The following MORC1 variants were observed in gnomAD, a reference collection of about 807,000 sequenced individuals.
MORC1 encodes MORC family CW-type zinc finger 1.
A neutral mutation model predicts 134.9 loss-of-function variants in MORC1; 59 were observed. The observed-to-expected ratio is 0.44, with a 90% CI of 0.35 to 0.54. The LOEUF is 0.54. Among genes scored for constraint, MORC1 ranks in the 20% least tolerant of loss-of-function variants. The pLI is 0.00. For synonymous variants in MORC1, 395 were observed against 391.7 expected, an observed-to-expected ratio of 1.01 and a Z score of -0.10; for missense variants, 947 against 1,134.5, an observed-to-expected ratio of 0.83 and a Z score of 2.37.
At chr3:109,032,503 A>G (rs1949263286) in intron 16 of MORC1, among the ~76,000 whole-genome samples, 1 of 152,124 alleles carries the variant, frequency 6.6e-6, no homozygotes, top group Non-Finnish European at 1.5e-5. Flanking sequence ...GCTCACCCCA[A>G]CGTCTTCAGA....
At chr3:108,975,376 T>G (rs142758345) in intron 24 of MORC1, among the ~76,000 whole-genome samples, 206 of 152,274 alleles carry the variant, frequency 1.4e-3, no homozygotes, top group Non-Finnish European at 2.1e-3. Flanking sequence ...AAAAGTTACT[T>G]TCTTTTTAAA....
Position 109,094,912 on chromosome 3 carries a change from AT to A in MORC1, c.579del (p.Lys193AsnfsTer11). On this transcript the variant is annotated frameshift_variant, in exon 7 of 28. Coordinates refer to ENST00000232603, the MANE Select transcript of MORC1 (RefSeq NM_014429.4). LOFTEE classifies it high-confidence loss of function. ...LMQQFDVIYG[K>X]CGTLLVIYNL... The stretch of plus-strand genomic sequence containing the variant: ...GTCAGAGTTTTGATGATCTTACCAC[AT>A]TTTCCATAGATCACATCAAACTGCT... 6.4e-7 allele frequency: 1 copy of A among 1,555,818 alleles called. No individual in the cohort carries two copies. The highest frequency in any genetic ancestry group is 1.3e-5 in the South Asian group (1 of 78,752).
intron 20 of MORC1, among the ~76,000 whole-genome samples, chr3:109,003,083 AAC>A (rs1264791655): frequency 2.0e-5 from 3 of 152,024 alleles, no homozygotes; most frequent in African/African-American, 7.2e-5. Context: ...CCTTATTATA[AAC>A]AGTCATGCTA....
intron 8 of MORC1, among the ~76,000 whole-genome samples, chr3:109,071,866 T>C (rs1242375685): frequency 6.6e-6 from 1 of 152,146 alleles, no homozygotes; most frequent in Non-Finnish European, 1.5e-5. Context: ...CAAGCCACTG[T>C]TATCAGCTAG....
intron 9 of MORC1, among the ~76,000 whole-genome samples, chr3:109,064,276 T>A (rs1485898118): frequency 6.6e-6 from 1 of 152,148 alleles, no homozygotes; most frequent in African/African-American, 2.4e-5. Context: ...AAGGGGCTTT[T>A]GGTTATTTGA....
chr3:108,982,004 A>T lies in MORC1; in HGVS notation c.2325-2337T>A, dbSNP rs566460285. On this transcript the variant is annotated intron_variant, in intron 23 of 27. Coordinates refer to ENST00000232603, the MANE Select transcript of MORC1 (RefSeq NM_014429.4). Reference sequence around the variant, plus strand: ...ATGGGAGAAAATTTTTGCAATCTATACATCTGACAAAGGGCTAATATCCAG... The same window carrying T: ...ATGGGAGAAAATTTTTGCAATCTATTCATCTGACAAAGGGCTAATATCCAG... Among the ~76,000 whole-genome samples the T allele has an allele frequency of 6.6e-3, 1,000 of 152,216 alleles. 15 individuals are homozygous for T. Among genetic ancestry groups the T allele is most frequent in the African/African-American group, 0.023 (967 of 41,534 alleles).
At chr3:108,990,314 T>C (rs1171215800) in intron 21 of MORC1, among the ~76,000 whole-genome samples, 4 of 152,140 alleles carry the variant, frequency 2.6e-5, no homozygotes, top group Admixed American at 2.6e-4. Context: ...GAGAGAGTGA[T>C]GCAAGTTCCT....
At chr3:109,113,760 T>C (rs1951217716) in intron 2 of MORC1, among the ~76,000 whole-genome samples, 1 of 147,528 alleles carries the variant, frequency 6.8e-6, no homozygotes, top group Non-Finnish European at 1.5e-5. Flanking sequence ...TAATCATTAA[T>C]ACATTTATTA....
intron 8 of MORC1, among the ~76,000 whole-genome samples, chr3:109,070,317 G>A (rs997273925): frequency 4.6e-5 from 7 of 152,050 alleles, no homozygotes; most frequent in African/African-American, 1.7e-4. Flanking sequence ...ACACGATAAT[G>A]AAAAAGGAGA....
At chr3:109,079,499 T>C (rs1440275957) in intron 8 of MORC1, among the ~76,000 whole-genome samples, 1 of 151,872 alleles carries the variant, frequency 6.6e-6, no homozygotes, top group Non-Finnish European at 1.5e-5. Flanking sequence ...AAACTGAAAA[T>C]ACATTTCTCA....
At chr3:109,006,443 T>C (rs1948542543) in intron 18 of MORC1, among the ~76,000 whole-genome samples, 1 of 152,216 alleles carries the variant, frequency 6.6e-6, no homozygotes, top group African/African-American at 2.4e-5. Flanking sequence ...ATACATTATG[T>C]ATATCAGAAA....
intron 8 of MORC1, among the ~76,000 whole-genome samples, chr3:109,073,009 G>T (rs887819847): frequency 6.6e-6 from 1 of 151,706 alleles, no homozygotes; most frequent in Non-Finnish European, 1.5e-5. Flanking sequence ...TGTGGGGAAA[G>T]AGGAGAGTAT....
chr3:108,958,950 AATACC>A lies in MORC1; in HGVS notation c.*10_*14del. 5.5e-6 allele frequency: 8 copies of A among 1,466,254 alleles called. No individual in the cohort carries two copies. Among genetic ancestry groups the A allele is most frequent in the Non-Finnish European group, 7.2e-6 (8 of 1,106,190 alleles). 90.8% of individuals were successfully genotyped at this position (1,466,254 alleles called of 1,614,324 possible). A position where few individuals can be genotyped will look rare whatever the true frequency, so the allele number is the denominator to read the frequency against. On this transcript the variant is annotated 3_prime_UTR_variant, in exon 28 of 28. Coordinates refer to ENST00000232603, the MANE Select transcript of MORC1 (RefSeq NM_014429.4). ...TTCTTATTAGCATTTTTTAAAAGGT[AATACC>A]ATCTCTGACTTAATTTTCCGAAGTC...
Position 108,963,626 on chromosome 3 carries a change from AC to A in MORC1, c.2605-19del. On this transcript the variant is annotated intron_variant, in intron 26 of 27. Transcript: ENST00000232603. ...TTCTGTATCTGGGAATGTTTTAAAAACAGTTTTAGCATGTTTTTAAAATATT... is the reference window on the plus strand; with the variant it reads ...TTCTGTATCTGGGAATGTTTTAAAAAAGTTTTAGCATGTTTTTAAAATATT... 1 of 1,468,600 alleles carries A rather than the reference AC, an allele frequency of 6.8e-7. No individual in the cohort carries two copies. Among genetic ancestry groups the A allele is most frequent in the South Asian group, 1.3e-5 (1 of 79,608 alleles). The allele number at this position is 1,468,600 out of a possible 1,614,324, so 91.0% of individuals were successfully genotyped here.
chr3:108,965,609 G>C (rs2715753), intron 26 of MORC1, among the ~76,000 whole-genome samples: 17 of 152,064 alleles, frequency 1.1e-4, no homozygotes, highest in African/African-American at 3.4e-4. Context: ...TCCTGATTTC[G>C]GTAATGGTTA....
intron 21 of MORC1, among the ~76,000 whole-genome samples, chr3:108,995,724 T>C (rs562032074): frequency 6.6e-6 from 1 of 152,258 alleles, no homozygotes; most frequent in South Asian, 2.1e-4. Context: ...AGGTCAGATT[T>C]AGGGTGAATA....
intron 26 of MORC1, among the ~76,000 whole-genome samples, chr3:108,964,195 T>C (rs1001196647): frequency 2.6e-5 from 4 of 152,202 alleles, no homozygotes; most frequent in African/African-American, 7.2e-5. Flanking sequence ...AGAAGAATCT[T>C]GGTTGTTCTC....
intron 8 of MORC1, among the ~76,000 whole-genome samples, chr3:109,085,752 T>C (rs750916849): frequency 3.9e-5 from 6 of 152,058 alleles, no homozygotes; most frequent in Non-Finnish European, 5.9e-5. Flanking sequence ...GCAATTCCAT[T>C]ACTGGAAAGA....
chr3:108,975,077 T>G (rs1947511662), intron 24 of MORC1, among the ~76,000 whole-genome samples: 1 of 152,252 alleles, frequency 6.6e-6, no homozygotes, highest in South Asian at 2.1e-4. Flanking sequence ...TTGACCCATG[T>G]TGATACAACT....
Sources: allele counts gnomAD v4.1 joint callset (sites outside exome capture counted in the v4.1 genomes callset), GRCh38; gene constraint gnomAD v4.1.1; transcripts MANE v1.5; gene names NCBI Gene and HGNC (gene_info 2026-07-23, HGNC 2026-07-21).